Variants in TENM2 observed in about 807,000 individuals in gnomAD.
The protein encoded by TENM2 is teneurin transmembrane protein 2, also known as teneurin-2.
In TENM2, 52 loss-of-function variants were observed where a neutral mutation model predicts 245.2. The ratio of observed to expected loss-of-function variants is 0.21; its 90% CI spans 0.17 to 0.27. TENM2 has a LOEUF of 0.27. Ranked by LOEUF, TENM2 falls within the 10% of genes least tolerant of loss-of-function variation. The probability of loss-of-function intolerance (pLI) is 1.00; values close to 1 mark genes in which losing one functional copy is unlikely to be tolerated. For synonymous variants in TENM2, 1,363 were observed against 1,438.9 expected (o/e 0.95, Z 1.19); for missense variants, 3,046 against 3,666.8 (o/e 0.83, Z 4.37).
At chr5:168,126,140 G>A (rs1214961788) in intron 11 of TENM2, among the ~76,000 whole-genome samples, 2 of 152,204 alleles carry the variant, frequency 1.3e-5, no homozygotes, top group African/African-American at 4.8e-5. Flanking sequence ...CTGTGTAAAT[G>A]CAGCACAATT....
intron 1 of TENM2, among the ~76,000 whole-genome samples, chr5:167,338,039 C>A (rs949240459): frequency 5.9e-5 from 9 of 152,106 alleles, no homozygotes; most frequent in African/African-American, 2.2e-4. Flanking sequence ...TTTGTGATTT[C>A]TCACTGGATT....
chr5:167,927,874 C>G (rs369549734), intron 3 of TENM2, among the ~76,000 whole-genome samples: 1 of 152,250 alleles, frequency 6.6e-6, no homozygotes, highest in East Asian at 1.9e-4. Context: ...CTAAAGCAGA[C>G]CTAGCCTGGT....
chr5:168,060,850 C>A (rs1479276189), intron 6 of TENM2, among the ~76,000 whole-genome samples: 1 of 152,198 alleles, frequency 6.6e-6, no homozygotes, highest in Non-Finnish European at 1.5e-5. Context: ...GTCAGACAGG[C>A]TCGCTCACCG....
chr5:167,082,025 C>T, the TENM2 span, among the ~76,000 whole-genome samples: 1 of 152,088 alleles, frequency 6.6e-6, no homozygotes, highest in Non-Finnish European at 1.5e-5. Context: ...CTCTTAAACT[C>T]GACAGCTCTA....
chr5:168,174,059 A>G (rs540897443), intron 13 of TENM2, among the ~76,000 whole-genome samples: 9 of 152,304 alleles, frequency 5.9e-5, no homozygotes, highest in African/African-American at 2.2e-4. Context: ...GCAGAGCGCA[A>G]TACAGCCATC....
the TENM2 span, among the ~76,000 whole-genome samples, chr5:167,178,065 A>G: frequency 6.6e-6 from 1 of 152,228 alleles, no homozygotes; most frequent in Admixed American, 6.5e-5. Context: ...GAGAAATTAT[A>G]AACATTTAAT....
intron 2 of TENM2, among the ~76,000 whole-genome samples, chr5:167,759,022 A>G (rs1762490181): frequency 6.6e-6 from 1 of 151,296 alleles, no homozygotes; most frequent in African/African-American, 2.4e-5. Context: ...CACAATTTTG[A>G]TAGTAGATAA....
chr5:168,166,929 C>T (rs1443624702), intron 13 of TENM2, among the ~76,000 whole-genome samples: 1 of 152,052 alleles, frequency 6.6e-6, no homozygotes, highest in Non-Finnish European at 1.5e-5. Context: ...TCTCCAGACA[C>T]CCCCAGTCAT....
chr5:167,280,796 A>ATCTATCTATCTG (rs1771009779), upstream of TENM2, among the ~76,000 whole-genome samples: 1 of 149,462 alleles, frequency 6.7e-6, no homozygotes, highest in Non-Finnish European at 1.5e-5. Context: ...CTATCTATCT[A>ATCTATCTATCTG]TCTATCTATC....
chr5:167,301,202 C>T (rs188320471), intron 1 of TENM2, among the ~76,000 whole-genome samples: 21 of 152,290 alleles, frequency 1.4e-4, no homozygotes, highest in African/African-American at 5.1e-4. Context: ...AAGCCTTGGG[C>T]CAGAGTTCCA....
the TENM2 span, among the ~76,000 whole-genome samples, chr5:167,186,532 T>C: frequency 6.6e-6 from 1 of 152,194 alleles, no homozygotes; most frequent in Non-Finnish European, 1.5e-5. Flanking sequence ...AATTAAAGCA[T>C]GCCTAGAGGA....
the TENM2 span, among the ~76,000 whole-genome samples, chr5:167,240,162 C>T: frequency 3.9e-5 from 6 of 152,100 alleles, no homozygotes; most frequent in African/African-American, 1.4e-4. Flanking sequence ...CTGGGGCTCC[C>T]CTTAAGTATT....
chr5:167,599,139 G>C (rs1004542626), intron 2 of TENM2, among the ~76,000 whole-genome samples: 6 of 152,176 alleles, frequency 3.9e-5, no homozygotes, highest in African/African-American at 1.4e-4. Context: ...TTGTATCTTT[G>C]TGCATAGCTT....
chr5:167,116,789 G>A, the TENM2 span: 7 of 152,090 alleles, frequency 4.6e-5, no homozygotes, highest in Admixed American at 3.9e-4. Flanking sequence ...CACTCATCTG[G>A]CCTTTCAATT....
At chr5:167,890,788 A>T (rs545126928) in intron 3 of TENM2, among the ~76,000 whole-genome samples, 2 of 152,276 alleles carry the variant, frequency 1.3e-5, no homozygotes, top group South Asian at 2.1e-4. Context: ...AATGATGATG[A>T]TAATGATAAT....
intron 2 of TENM2, among the ~76,000 whole-genome samples, chr5:167,586,178 C>CA (rs61627004): frequency 0.69 from 104,503 of 152,014 alleles, 36,046 homozygotes; most frequent in Middle Eastern, 0.75. Flanking sequence ...AATAAAAAAA[C>CA]AGGTGATATA....
At chr5:168,262,360 C>T (rs1768275435) in exon 29 of TENM2, 2 of 1,605,822 alleles carry the variant, frequency 1.2e-6, no homozygotes, top group Admixed American at 1.7e-5. Context: ...TGAAGATTGG[C>T]TCAGCCGATG....
At chr5:167,209,709 C>A in the TENM2 span, among the ~76,000 whole-genome samples, 2 of 152,220 alleles carry the variant, frequency 1.3e-5, 1 homozygote, top group South Asian at 4.2e-4. Context: ...ATCATTCCCC[C>A]AATTCTGTTG....
intron 3 of TENM2, among the ~76,000 whole-genome samples, chr5:167,919,866 C>T (rs897978608): frequency 6.6e-6 from 1 of 152,196 alleles, no homozygotes; most frequent in Non-Finnish European, 1.5e-5. Context: ...TCACGACATC[C>T]AGTTTTATTT....
Sources: gnomAD v4.1 joint callset for allele counts (sites outside exome capture counted in the v4.1 genomes callset) on GRCh38, gnomAD v4.1.1 for gene constraint, MANE v1.5 for transcripts, NCBI Gene and HGNC (gene_info 2026-07-23, HGNC 2026-07-21) for gene names.